MYL4: variants seen among roughly 807,000 people sequenced by gnomAD.
MYL4 encodes the protein myosin light chain 4.
Under a neutral mutation model 21.6 loss-of-function variants are expected in MYL4, and 16 were observed. The observed-to-expected ratio is 0.74, with a 90% CI of 0.50 to 1.12. The LOEUF (loss-of-function observed/expected upper bound fraction) is 1.12. MYL4 is among the 50% of genes most tolerant of loss of function. The probability of loss-of-function intolerance (pLI) is 0.00; values close to 1 mark genes in which losing one functional copy is unlikely to be tolerated. For synonymous variants in MYL4, 82 were observed against 95.7 expected (o/e 0.86, Z 0.83); for missense variants, 249 against 252.9 (o/e 0.98, Z 0.11).
chr17:47,225,057 A>G (rs989234929), downstream of MYL4, among the ~76,000 whole-genome samples: 1 of 152,010 alleles, frequency 6.6e-6, no homozygotes, highest in South Asian at 2.1e-4. Context: ...ATCCCTGAGG[A>G]CTCCCCAAGG....
intron 1 of MYL4, among the ~76,000 whole-genome samples, chr17:47,210,977 C>A (rs1235723762): frequency 2.6e-5 from 4 of 152,064 alleles, no homozygotes; most frequent in South Asian, 2.1e-4. Context: ...GGTTGCCAGG[C>A]CTTGTCCCTG....
At chr17:47,218,223 A>G (rs1050606786) in intron 2 of MYL4, among the ~76,000 whole-genome samples, 1 of 152,226 alleles carries the variant, frequency 6.6e-6, no homozygotes, top group Non-Finnish European at 1.5e-5. Flanking sequence ...AAATTCATAT[A>G]AAGCCGAAGA....
At chr17:47,209,103 T>C (rs969612356), upstream of MYL4, 1 of 473,492 alleles carries the variant, frequency 2.1e-6, no homozygotes, top group East Asian at 4.1e-5. Context: ...TCTGTTTCCC[T>C]GGTCCTTCTG....
At chr17:47,193,712 TTTCCTTCC>T in the MYL4 span, among the ~76,000 whole-genome samples, 2 of 151,776 alleles carry the variant, frequency 1.3e-5, no homozygotes, top group African/African-American at 2.4e-5. Context: ...TCTTTCTTTC[TTTCCTTCC>T]TTCCTTCCTT....
chr17:47,197,974 G>T (rs1324252942), upstream of MYL4, among the ~76,000 whole-genome samples: 2 of 152,182 alleles, frequency 1.3e-5, no homozygotes, highest in Non-Finnish European at 2.9e-5. Flanking sequence ...CCTGGCTGAT[G>T]ACTTTAGTTT....
In MYL4 at chr17:47,209,530, A is replaced by G; in HGVS notation, c.108A>G (p.Glu36=). The change falls in exon 1 of 7, where the codon GAA becomes GAG. Residue 36 remains glutamate (E), a synonymous_variant. Coordinates refer to ENST00000393450, the MANE Select transcript of MYL4 (RefSeq NM_002476.2). ...APAPAPEAPK[E]PAFDPKSVKI... ...CCCCAGCTCCTGAGGCTCCCAAGGA[A>G]CCTGCCTTTGACCCCAAGAGTGTAA... 6.2e-7 allele frequency: 1 copy of G among 1,614,196 alleles called. No homozygotes were observed. Among genetic ancestry groups the G allele is most frequent in the Admixed American group, 1.7e-5 (1 of 60,020 alleles).
chr17:47,218,769 A>G (rs1470628124), intron 2 of MYL4, among the ~76,000 whole-genome samples: 3 of 152,242 alleles, frequency 2.0e-5, no homozygotes, highest in Non-Finnish European at 4.4e-5. Flanking sequence ...CCTGGGTGAC[A>G]GAGCGAGACT....
At chr17:47,218,614 T>C (rs144036036) in intron 2 of MYL4, among the ~76,000 whole-genome samples, 157 of 152,174 alleles carry the variant, frequency 1.0e-3, no homozygotes, top group African/African-American at 3.7e-3. Flanking sequence ...GGTGAAACCC[T>C]GTCTCTGCTA....
chr17:47,203,976 A>G (rs903508644), intron 1 of MYL4, among the ~76,000 whole-genome samples: 3 of 152,218 alleles, frequency 2.0e-5, no homozygotes, highest in African/African-American at 7.2e-5. Context: ...TGGCCAAAAC[A>G]CTTCTTAGAG....
chr17:47,221,228 A>G (rs549413947), intron 3 of MYL4, among the ~76,000 whole-genome samples: 1 of 152,308 alleles, frequency 6.6e-6, no homozygotes, highest in East Asian at 1.9e-4. Context: ...ATGGGACCCC[A>G]TGCAGAGTGA....
chr17:47,209,696 G>T (rs892706992), intron 1 of MYL4, 139 bp downstream of exon 1: 1 of 1,299,006 alleles, frequency 7.7e-7, no homozygotes, highest in Admixed American at 1.7e-5. Flanking sequence ...CAGTCCCATG[G>T]GGCAGTGGAG....
In MYL4 at chr17:47,212,619, A is replaced by G. The variant is rs577820629; in HGVS notation, c.136-1180A>G. 2.2e-3 allele frequency among the ~76,000 whole-genome samples: 331 copies of G among 152,376 alleles called. 1 individual carries two copies. The highest frequency in any genetic ancestry group is 7.4e-3 in the African/African-American group (308 of 41,586). The stretch of plus-strand genomic sequence containing the variant: ...TCTAGAATCTGGCAACAATGAGCCG[A>G]GCAGAGGAGGTGGTATTATAGACAA... On this transcript the variant is annotated intron_variant, in intron 1 of 6. Coordinates refer to ENST00000393450, the MANE Select transcript of MYL4 (RefSeq NM_002476.2).
chr17:47,213,004 G>A (rs527828042), intron 1 of MYL4, among the ~76,000 whole-genome samples: 24 of 152,270 alleles, frequency 1.6e-4, no homozygotes, highest in African/African-American at 5.8e-4. Flanking sequence ...TCATTGAAGG[G>A]AGTGGATTTA....
chr17:47,200,886 T>A (rs2064706870), intron 1 of MYL4, among the ~76,000 whole-genome samples: 1 of 152,220 alleles, frequency 6.6e-6, no homozygotes, highest in Non-Finnish European at 1.5e-5. Context: ...TGATTTAAAG[T>A]GTTGGCTGGG....
chr17:47,220,049 T>G lies in MYL4; in HGVS notation c.309T>G (p.Pro103=). Reference sequence around the variant, plus strand: ...TGCGTGTGCTGGGCAAGCCCAAGCCTGAAGGTCAGTGCGGCTGCATGGCAG... The same window carrying G: ...TGCGTGTGCTGGGCAAGCCCAAGCCGGAAGGTCAGTGCGGCTGCATGGCAG... The part of the protein sequence containing the change: ...EVLRVLGKPK[P]EEMNVKMLDF... The change falls in exon 3 of 7, where the codon CCT becomes CCG. Residue 103 remains proline, a synonymous_variant. Coordinates refer to ENST00000393450, the MANE Select transcript of MYL4 (RefSeq NM_002476.2). 1 of 1,612,142 alleles carries G rather than the reference T, an allele frequency of 6.2e-7. No homozygotes were observed. Among genetic ancestry groups the G allele is most frequent in the Non-Finnish European group, 8.5e-7 (1 of 1,178,960 alleles).
intron 2 of MYL4, among the ~76,000 whole-genome samples, chr17:47,218,660 C>T (rs755722733): frequency 5.9e-5 from 9 of 151,982 alleles, no homozygotes; most frequent in Admixed American, 2.0e-4. Context: ...TGGTGGTGGG[C>T]GCCTGTAGTC....
Position 47,220,021 on chromosome 17 carries a change from T to C in MYL4, c.281T>C (p.Val94Ala). Residue 94 changes from valine (V) to alanine (A), a missense_variant, in exon 3 of 7, where the codon GTG becomes GCG. By Grantham distance (64) the Val-to-Ala change is moderately conservative. Coordinates refer to ENST00000393450, the MANE Select transcript of MYL4 (RefSeq NM_002476.2). ...ALGQNPTNAE[V>A]LRVLGKPKPE... ...GGCCAGAACCCTACCAATGCCGAGG[T>C]GCTGCGTGTGCTGGGCAAGCCCAAG... The C allele has an allele frequency of 6.2e-7, 1 of 1,613,956 alleles. No homozygotes were observed. The highest frequency in any genetic ancestry group is 8.5e-7 in the Non-Finnish European group (1 of 1,179,908).
the MYL4 span, among the ~76,000 whole-genome samples, chr17:47,193,726 T>G: frequency 6.6e-6 from 1 of 151,786 alleles, no homozygotes; most frequent in Non-Finnish European, 1.5e-5. Context: ...CTTCCTTCCT[T>G]CCTTCCTTTC....
intron 2 of MYL4, 94 bp downstream of exon 2, chr17:47,213,920 G>T: frequency 7.2e-7 from 1 of 1,382,294 alleles, no homozygotes; most frequent in Non-Finnish European, 1.0e-6. Flanking sequence ...TGTCCTCATG[G>T]TAATAGTAAT....
Sources: gnomAD v4.1 joint callset for allele counts (sites outside exome capture counted in the v4.1 genomes callset) on GRCh38, gnomAD v4.1.1 for gene constraint, MANE v1.5 for transcripts, NCBI Gene and HGNC (gene_info 2026-07-23, HGNC 2026-07-21) for gene names.